The following STARD13 variants were observed in gnomAD, a reference collection of about 807,000 sequenced individuals.
STARD13 encodes stAR-related lipid transfer protein 13.
Under a neutral mutation model 106.4 loss-of-function variants are expected in STARD13, and 62 were observed. That is an observed-to-expected ratio of 0.58 (90% confidence interval 0.48 to 0.72). STARD13 has a LOEUF of 0.72. STARD13 is among the 30% of genes least tolerant of loss of function. The pLI is 0.00. For missense variants in STARD13, 1,387 were observed against 1,424.0 expected (o/e 0.97, Z 0.42); for synonymous variants, 565 against 553.0 (o/e 1.02, Z -0.31).
chr13:33,601,086 C>T, the STARD13 span, among the ~76,000 whole-genome samples: 1 of 152,252 alleles, frequency 6.6e-6, no homozygotes, highest in South Asian at 2.1e-4. Context: ...GTGCAGCTCA[C>T]AGGGTAGAAG....
At chr13:33,118,733 C>T (rs1021983027) in intron 7 of STARD13, among the ~76,000 whole-genome samples, 7 of 152,018 alleles carry the variant, frequency 4.6e-5, no homozygotes, top group African/African-American at 1.7e-4. Flanking sequence ...CAATGTGGGT[C>T]GTGGATGAAA....
chr13:33,319,997 C>G (rs1893495544), intron 1 of STARD13, among the ~76,000 whole-genome samples: 1 of 152,162 alleles, frequency 6.6e-6, no homozygotes, highest in African/African-American at 2.4e-5. Context: ...TCTCAACATC[C>G]TCCTCTGTAA....
intron 1 of STARD13, among the ~76,000 whole-genome samples, chr13:33,191,907 TCAGTTATTGTAAGA>T (rs1210175979): frequency 6.6e-6 from 1 of 152,226 alleles, no homozygotes; most frequent in Non-Finnish European, 1.5e-5. Context: ...TGCAAGGCAG[TCAGTTATTGTAAGA>T]CAGTTATTAA....
chr13:33,110,234 A>T (rs978630943), intron 11 of STARD13, 144 bp from the exon 12 acceptor site: 4 of 665,222 alleles, frequency 6.0e-6, no homozygotes, highest in Non-Finnish European at 1.0e-5. Context: ...GTGATACTAC[A>T]TACCTCAGCT....
chr13:33,469,623 G>A, the STARD13 span, among the ~76,000 whole-genome samples: 4 of 152,152 alleles, frequency 2.6e-5, no homozygotes, highest in Non-Finnish European at 5.9e-5. Context: ...CAATATTAGA[G>A]TAGAGGGATA....
At chr13:33,481,635 GAGA>G in the STARD13 span, among the ~76,000 whole-genome samples, 1 of 152,276 alleles carries the variant, frequency 6.6e-6, no homozygotes, top group African/African-American at 2.4e-5. Context: ...GTGAATGTGA[GAGA>G]AGGAGGGGTA....
the STARD13 span, among the ~76,000 whole-genome samples, chr13:33,467,070 T>G: frequency 6.6e-6 from 1 of 152,058 alleles, no homozygotes; most frequent in East Asian, 1.9e-4. Flanking sequence ...TTGGGGAGGA[T>G]TCAAAAACAT....
intron 3 of STARD13, among the ~76,000 whole-genome samples, chr13:33,144,031 G>A (rs1243032350): frequency 6.6e-5 from 10 of 152,256 alleles, no homozygotes; most frequent in African/African-American, 1.7e-4. Context: ...TTCCTGCCAC[G>A]AAGCAGTACT....
chr13:33,585,325 C>T, the STARD13 span, among the ~76,000 whole-genome samples: 2 of 152,152 alleles, frequency 1.3e-5, no homozygotes. Flanking sequence ...GGTATCTGTA[C>T]ATCTATGCTC....
At chr13:33,165,828 T>G (rs1326599543) in intron 2 of STARD13, among the ~76,000 whole-genome samples, 1 of 152,212 alleles carries the variant, frequency 6.6e-6, no homozygotes, top group African/African-American at 2.4e-5. Flanking sequence ...AAAAGGAAAT[T>G]TCCAAAAATA....
At chr13:33,272,826 CAGA>C (rs1437410454) in intron 1 of STARD13, 9 of 152,202 alleles carry the variant, frequency 5.9e-5, no homozygotes, top group African/African-American at 2.2e-4. Context: ...GCAAAAGTGA[CAGA>C]AGAAACTCAT....
At chr13:33,378,703 T>C in the STARD13 span, among the ~76,000 whole-genome samples, 1 of 150,882 alleles carries the variant, frequency 6.6e-6, no homozygotes, top group Admixed American at 6.6e-5. Context: ...GGCAGGAGAA[T>C]TGCTTGAACC....
the STARD13 span, among the ~76,000 whole-genome samples, chr13:33,536,781 T>C: frequency 3.0e-4 from 45 of 152,350 alleles, no homozygotes; most frequent in African/African-American, 9.9e-4. Context: ...AGAACTTCCC[T>C]GTGATGTCTG....
rs1024671433 is a variant in STARD13, at chr13:33,186,151, C to G, written c.170-18529G>C. ...AAGCCTCAGCTGAGATTCCAAGCCTCCACACTTCCTTTCCTCATTGTTTTC... is the reference window on the plus strand; with the variant it reads ...AAGCCTCAGCTGAGATTCCAAGCCTGCACACTTCCTTTCCTCATTGTTTTC... On this transcript the variant is annotated intron_variant, in intron 1 of 13. Coordinates refer to ENST00000336934, the MANE Select transcript of STARD13 (RefSeq NM_178006.4). 4.7e-6 allele frequency: 5 copies of G among 1,070,246 alleles called. No homozygotes were observed. The African/African-American group carries it at 6.4e-5, about 14-fold the overall frequency. 66.3% of individuals were successfully genotyped at this position (1,070,246 alleles called of 1,614,324 possible).
chr13:33,315,028 A>G (rs1297862679), intron 1 of STARD13, among the ~76,000 whole-genome samples: 1 of 152,214 alleles, frequency 6.6e-6, no homozygotes, highest in Non-Finnish European at 1.5e-5. Flanking sequence ...GTTATAATGT[A>G]CATAAGATCT....
chr13:33,360,579 T>A, the STARD13 span, among the ~76,000 whole-genome samples: 219 of 126,008 alleles, frequency 1.7e-3, no homozygotes, highest in Non-Finnish European at 2.8e-3. Context: ...AGGAGAGTTA[T>A]TAGTTTTAAG....
the STARD13 span, among the ~76,000 whole-genome samples, chr13:33,585,237 C>T: frequency 6.6e-6 from 1 of 152,128 alleles, no homozygotes; most frequent in African/African-American, 2.4e-5. Flanking sequence ...CAAAAAATTA[C>T]AGATAGAATT....
In STARD13 at chr13:33,121,760, A is replaced by G. The variant is rs566748168; in HGVS notation, c.2083-3497T>C. On this transcript the variant is annotated intron_variant, in intron 7 of 13. Coordinates refer to ENST00000336934, the MANE Select transcript of STARD13 (RefSeq NM_178006.4). ...GTAGCATGATCTCAGCTCAACCACA[A>G]CCTCCATCTCCTGGATTCAAGTGAT... 1.1e-3 allele frequency among the ~76,000 whole-genome samples: 154 copies of G among 145,798 alleles called. 1 individual carries two copies. Among genetic ancestry groups the G allele is most frequent in the South Asian group, 2.0e-3 (9 of 4,498 alleles).
rs557102508 is a variant in STARD13, at chr13:33,135,393, C to T, written c.388-5104G>A. Among the ~76,000 whole-genome samples the T allele has an allele frequency of 3.9e-5, 6 of 152,326 alleles. No individual in the cohort carries two copies. The South Asian group carries it at 1.0e-3, about 26-fold the overall frequency. On this transcript the variant is annotated intron_variant, in intron 4 of 13. Transcript: ENST00000336934. ...CAGTCTGGGTGTAGTCAAATTCAAA[C>T]GGTGAGTCCTATGAGTGACAGCTGC...
Sources: gnomAD v4.1 joint callset for allele counts (sites outside exome capture counted in the v4.1 genomes callset) on GRCh38, gnomAD v4.1.1 for gene constraint, MANE v1.5 for transcripts, NCBI Gene and HGNC (gene_info 2026-07-23, HGNC 2026-07-21) for gene names.